The following PTPRO variants were observed in gnomAD, a reference collection of about 807,000 sequenced individuals.
PTPRO encodes receptor-type tyrosine-protein phosphatase O.
PTPRO carries 62 observed loss-of-function variants against 145.2 expected under a neutral mutation model. That is an observed-to-expected ratio of 0.43 (90% CI 0.35 to 0.53). The LOEUF is 0.53. Ranked by LOEUF, PTPRO falls within the 20% of genes least tolerant of loss-of-function variation. PTPRO has a pLI of 0.01. For missense variants in PTPRO, 1,345 were observed against 1,482.7 expected (o/e 0.91, Z 1.53); for synonymous variants, 565 against 514.7 (o/e 1.10, Z -1.32).
At chr12:15,330,004 G>A (rs78483612) in intron 1 of PTPRO, among the ~76,000 whole-genome samples, 3,139 of 152,294 alleles carry the variant, frequency 0.021, 61 homozygotes, top group South Asian at 0.034. Flanking sequence ...ATATATCAAA[G>A]GCAATGAAGC....
At chr12:15,364,086 A>G (rs922562409) in intron 1 of PTPRO, among the ~76,000 whole-genome samples, 31 of 152,212 alleles carry the variant, frequency 2.0e-4, no homozygotes, top group Non-Finnish European at 2.4e-4. Context: ...ACAACTGACC[A>G]TTGTGTAATA....
intron 12 of PTPRO, among the ~76,000 whole-genome samples, chr12:15,539,333 G>A (rs1442377380): frequency 1.3e-5 from 2 of 152,096 alleles, no homozygotes; most frequent in Non-Finnish European, 2.9e-5. Flanking sequence ...TTAAAAAAAA[G>A]AAAGTAATGT....
At chr12:15,342,699 C>G (rs1168016753) in intron 1 of PTPRO, among the ~76,000 whole-genome samples, 1 of 152,192 alleles carries the variant, frequency 6.6e-6, no homozygotes, top group Non-Finnish European at 1.5e-5. Flanking sequence ...TGTTAGACAT[C>G]TGCCCTGCTC....
At chr12:15,540,103 C>A (rs759823304) in intron 12 of PTPRO, among the ~76,000 whole-genome samples, 2 of 152,092 alleles carry the variant, frequency 1.3e-5, no homozygotes, top group Non-Finnish European at 2.9e-5. Context: ...TTAACTCACC[C>A]TGAATAATTT....
intron 1 of PTPRO, among the ~76,000 whole-genome samples, chr12:15,353,566 T>C (rs1038088436): frequency 2.0e-5 from 3 of 152,202 alleles, no homozygotes; most frequent in Non-Finnish European, 4.4e-5. Flanking sequence ...AATATTGCCC[T>C]TGTTTGATGA....
rs540997570 is a variant in PTPRO at position 15,550,667 on chromosome 12, T to C, written c.2438-884T>C. ...CATTGTTCTTTCTGTTTAAGCACTC[T>C]ACTCATAAACTGGAGCCAAGCTGGC... is the stretch of plus-strand genomic sequence containing the variant. On this transcript the variant is annotated intron_variant, in intron 14 of 26. Transcript: ENST00000281171. 2.8e-4 allele frequency among the ~76,000 whole-genome samples: 42 copies of C among 152,348 alleles called. No individual in the cohort carries two copies. The South Asian group carries it at 6.6e-3, about 24-fold the overall frequency.
At chr12:15,465,587 A>T (rs1333108117) in intron 1 of PTPRO, among the ~76,000 whole-genome samples, 1 of 152,218 alleles carries the variant, frequency 6.6e-6, no homozygotes, top group African/African-American at 2.4e-5. Flanking sequence ...TTGTGAGTTT[A>T]CAGGAAGAAA....
chr12:15,529,102 C>G lies in PTPRO; in HGVS notation c.2164+2840C>G, dbSNP rs190521851. 2.6e-4 allele frequency among the ~76,000 whole-genome samples: 39 copies of G among 152,166 alleles called. No homozygotes were observed. In the East Asian group the frequency reaches 6.6e-3, roughly 26 times the overall value. On this transcript the variant is annotated intron_variant, in intron 12 of 26. Coordinates refer to ENST00000281171, the MANE Select transcript of PTPRO (RefSeq NM_030667.3). ...GGGAAAATTAAATGCATGGACCAAC[C>G]CAGGATATTCTGTTACTGTGATTGT...
chr12:15,417,459 A>G (rs1207137711), intron 1 of PTPRO, among the ~76,000 whole-genome samples: 2 of 151,786 alleles, frequency 1.3e-5, no homozygotes, highest in Admixed American at 6.5e-5. Flanking sequence ...GCAAAAGAGT[A>G]TATTGAGAAT....
chr12:15,450,300 T>A (rs924250625), intron 1 of PTPRO, among the ~76,000 whole-genome samples: 1 of 152,104 alleles, frequency 6.6e-6, no homozygotes, highest in African/African-American at 2.4e-5. Context: ...TTAAAGACCC[T>A]CTGCCAGAAG....
intron 1 of PTPRO, among the ~76,000 whole-genome samples, chr12:15,458,039 T>G (rs1179713230): frequency 6.6e-6 from 1 of 152,194 alleles, no homozygotes; most frequent in African/African-American, 2.4e-5. Context: ...GTAAAGCAGT[T>G]CCGGTAGTGG....
chr12:15,411,544 T>C (rs1446747823), intron 1 of PTPRO, among the ~76,000 whole-genome samples: 1 of 152,212 alleles, frequency 6.6e-6, no homozygotes, highest in East Asian at 1.9e-4. Context: ...GATCTCAACA[T>C]AATCAACAGT....
At chr12:15,544,943 C>T (rs1943252236) in intron 12 of PTPRO, among the ~76,000 whole-genome samples, 1 of 152,176 alleles carries the variant, frequency 6.6e-6, no homozygotes, top group South Asian at 2.1e-4. Flanking sequence ...TCATCTCTTT[C>T]CTCCTTCAAC....
intron 2 of PTPRO, among the ~76,000 whole-genome samples, chr12:15,489,925 T>C (rs1016553453): frequency 6.6e-6 from 1 of 152,172 alleles, no homozygotes; most frequent in Non-Finnish European, 1.5e-5. Flanking sequence ...GAATCGTATA[T>C]GCAAATAATG....
intron 1 of PTPRO, among the ~76,000 whole-genome samples, chr12:15,444,843 T>C (rs1167999240): frequency 6.6e-6 from 1 of 152,142 alleles, no homozygotes; most frequent in Non-Finnish European, 1.5e-5. Flanking sequence ...TAGTCCATGT[T>C]TTTTTTATAG....
At chr12:15,419,411 G>C (rs545521973) in intron 1 of PTPRO, among the ~76,000 whole-genome samples, 4 of 151,632 alleles carry the variant, frequency 2.6e-5, no homozygotes, top group African/African-American at 4.9e-5. Flanking sequence ...AAGCAATTCA[G>C]ATTGCTTCCC....
intron 1 of PTPRO, among the ~76,000 whole-genome samples, chr12:15,385,811 CAAAA>C (rs761750012): frequency 1.9e-4 from 7 of 37,116 alleles, no homozygotes; most frequent in Admixed American, 1.3e-3. Context: ...GACTCCATCT[CAAAA>C]AAAAAAAAAA....
intron 1 of PTPRO, among the ~76,000 whole-genome samples, chr12:15,467,906 A>G (rs1279823329): frequency 6.6e-6 from 1 of 152,140 alleles, no homozygotes; most frequent in African/African-American, 2.4e-5. Context: ...TTTGCTATTC[A>G]GAATGTGAAC....
intron 1 of PTPRO, among the ~76,000 whole-genome samples, chr12:15,477,398 G>A (rs1941679684): frequency 6.7e-6 from 1 of 148,470 alleles, no homozygotes; most frequent in Non-Finnish European, 1.5e-5. Flanking sequence ...TATACCTAAT[G>A]CTAGATGATG....
Sources: allele counts gnomAD v4.1 joint callset (sites outside exome capture counted in the v4.1 genomes callset), GRCh38; gene constraint gnomAD v4.1.1; transcripts MANE v1.5; gene names NCBI Gene and HGNC (gene_info 2026-07-23, HGNC 2026-07-21).